Variants in CDH23 observed in about 807,000 individuals in gnomAD.
The protein encoded by CDH23 is cadherin related 23.
CDH23 carries 189 observed loss-of-function variants against 317.1 expected under a neutral mutation model. The observed-to-expected ratio is 0.60, with a 90% confidence interval of 0.53 to 0.67. The LOEUF is 0.67. CDH23 is among the 30% of genes least tolerant of loss of function. The pLI, the probability that CDH23 is intolerant of heterozygous loss-of-function variation, is 0.00. For missense variants in CDH23, 4,401 were observed against 4,592.4 expected (o/e 0.96, Z 1.20); for synonymous variants, 1,839 against 1,876.8 (o/e 0.98, Z 0.52).
At chr10:71,687,557 C>T in intron 18 of CDH23, 90 bp from the exon 19 acceptor site, 1 of 1,190,772 alleles carries the variant, frequency 8.4e-7, no homozygotes. Flanking sequence ...CCAGCCAGAC[C>T]TAGCCTGACT....
At chr10:71,803,142 G>A in intron 54 of CDH23, 67 bp downstream of exon 54, 1 of 1,603,860 alleles carries the variant, frequency 6.2e-7, no homozygotes, top group South Asian at 1.1e-5. Flanking sequence ...GCCAGCCCAG[G>A]CCAGGAGTAG....
At chr10:71,455,032 G>C (rs1032404966) in intron 3 of CDH23, among the ~76,000 whole-genome samples, 1 of 151,868 alleles carries the variant, frequency 6.6e-6, no homozygotes, top group African/African-American at 2.4e-5. Context: ...TGTGAGATAG[G>C]AGTCTTGCTA....
intron 38 of CDH23, among the ~76,000 whole-genome samples, chr10:71,759,756 G>A (rs993949675): frequency 6.6e-6 from 1 of 151,284 alleles, no homozygotes; most frequent in Non-Finnish European, 1.5e-5. Context: ...AGGTTGCAGT[G>A]AGCCCAGATC....
chr10:71,762,070 C>G, intron 38 of CDH23: 1 of 1,539,610 alleles, frequency 6.5e-7, no homozygotes, highest in South Asian at 1.2e-5. Flanking sequence ...TGATCCAGTG[C>G]TACTCCTGGC....
At chr10:71,746,841 T>C (rs1207926319) in intron 38 of CDH23, among the ~76,000 whole-genome samples, 2 of 152,108 alleles carry the variant, frequency 1.3e-5, no homozygotes, top group Non-Finnish European at 2.9e-5. Context: ...GACAGAAATC[T>C]CCCACCGCCC....
chr10:71,754,980 C>A (rs868771039), intron 38 of CDH23: 4 of 424,470 alleles, frequency 9.4e-6, no homozygotes, highest in Middle Eastern at 3.4e-4. Flanking sequence ...TTTGTCCCAA[C>A]AATTGCTACT....
In CDH23 at chr10:71,707,021, C is replaced by A; in HGVS notation, c.3078C>A (p.Leu1026=). 1 of 1,607,208 alleles carries A rather than the reference C, an allele frequency of 6.2e-7. No homozygotes were observed. Among genetic ancestry groups the A allele is most frequent in the Non-Finnish European group, 8.5e-7 (1 of 1,176,976 alleles). The change falls in exon 26 of 70, where the codon CTC becomes CTA. Residue 1026 remains leucine, a synonymous_variant. Transcript: ENST00000224721. ...WLNCTDNDVG[L]NAELSYFITG... is the part of the protein sequence containing the mutation. The stretch of plus-strand genomic sequence containing the variant: ...ACTGCACGGACAACGACGTGGGCCT[C>A]AATGCAGAGCTCAGCTACTTCATCA...
chr10:71,605,484 AAAG>A (rs1213852644), intron 9 of CDH23, among the ~76,000 whole-genome samples: 2 of 152,196 alleles, frequency 1.3e-5, no homozygotes, highest in Non-Finnish European at 2.9e-5. Flanking sequence ...CTCCCACAAC[AAAG>A]AATTATCCAG....
At position 71,811,598 on chromosome 10, in the gene CDH23, TC is replaced by T; in HGVS notation, c.9278+13del. The T allele has an allele frequency of 6.2e-7, 1 of 1,613,760 alleles. No individual in the cohort carries two copies. ...CTGGTACTACAGGACTGTGTGAGTG[TC>T]CCCCACCCCTGCCATCAGGGGGCCG... On this transcript the variant is annotated intron_variant, in intron 64 of 69. Transcript: ENST00000224721.
intron 38 of CDH23, among the ~76,000 whole-genome samples, chr10:71,766,459 G>A (rs528755997): frequency 2.0e-5 from 3 of 152,288 alleles, no homozygotes; most frequent in East Asian, 1.9e-4. Context: ...TAAAACTCTC[G>A]CTTGGATTGC....
At chr10:71,640,017 G>A (rs1001809925) in intron 11 of CDH23, among the ~76,000 whole-genome samples, 3 of 152,178 alleles carry the variant, frequency 2.0e-5, no homozygotes, top group East Asian at 1.9e-4. Flanking sequence ...TCTGGCCTGC[G>A]TGAGCTTTTC....
chr10:71,707,436 A>C, intron 26 of CDH23: 1 of 1,251,618 alleles, frequency 8.0e-7, no homozygotes, highest in Non-Finnish European at 1.0e-6. Flanking sequence ...TTCCTTGGGG[A>C]CCTGTTGAGA....
chr10:71,768,033 C>T (rs560606579), intron 38 of CDH23, among the ~76,000 whole-genome samples: 6 of 152,304 alleles, frequency 3.9e-5, no homozygotes, highest in East Asian at 3.9e-4. Context: ...CTCAGGCTCC[C>T]GGCTCCAGCC....
chr10:71,543,182 A>C (rs1014095519), intron 6 of CDH23, among the ~76,000 whole-genome samples: 1 of 152,222 alleles, frequency 6.6e-6, no homozygotes, highest in African/African-American at 2.4e-5. Flanking sequence ...GGCCCCACCC[A>C]GGAGTACAGG....
intron 52 of CDH23, 125 bp from the exon 53 acceptor site, chr10:71,800,511 G>T: frequency 1.7e-6 from 2 of 1,166,572 alleles, no homozygotes; most frequent in Non-Finnish European, 2.4e-6. Flanking sequence ...GCTGGGGGCA[G>T]AGGTTATTGT....
chr10:71,575,501 C>A (rs994082407), intron 8 of CDH23, among the ~76,000 whole-genome samples: 1 of 152,190 alleles, frequency 6.6e-6, no homozygotes, highest in Non-Finnish European at 1.5e-5. Flanking sequence ...AACCCTTAAC[C>A]ACCTTGTGGT....
intron 16 of CDH23, among the ~76,000 whole-genome samples, chr10:71,678,535 G>A (rs1864469974): frequency 6.6e-6 from 1 of 152,194 alleles, no homozygotes; most frequent in African/African-American, 2.4e-5. Context: ...AAGCAGGTAG[G>A]GATGAAGGCA....
chr10:71,621,884 C>A (rs906308125), intron 11 of CDH23, among the ~76,000 whole-genome samples: 1 of 152,186 alleles, frequency 6.6e-6, no homozygotes, highest in Non-Finnish European at 1.5e-5. Context: ...TGAGTAATTT[C>A]TTTTCCTTTG....
chr10:71,674,566 G>A (rs748109192), intron 14 of CDH23, among the ~76,000 whole-genome samples: 3 of 152,184 alleles, frequency 2.0e-5, no homozygotes, highest in South Asian at 2.1e-4. Flanking sequence ...TTACTGTCTC[G>A]AAGTACTGCA....
Sources: allele counts gnomAD v4.1 joint callset (sites outside exome capture counted in the v4.1 genomes callset), GRCh38; gene constraint gnomAD v4.1.1; transcripts MANE v1.5; gene names NCBI Gene and HGNC (gene_info 2026-07-23, HGNC 2026-07-21).